EFCAB6: variants seen among roughly 807,000 people sequenced by gnomAD.
The protein encoded by EFCAB6 is EF-hand calcium-binding domain-containing protein 6.
In EFCAB6, 156 loss-of-function variants were observed where a neutral mutation model predicts 169.8. That is an observed-to-expected ratio of 0.92 (90% CI 0.81 to 1.05). The LOEUF (loss-of-function observed/expected upper bound fraction) is 1.05. Among genes scored for constraint, EFCAB6 ranks in the 50% least tolerant of loss-of-function variants. EFCAB6 has a pLI of 0.00. For synonymous variants in EFCAB6, 698 were observed against 676.4 expected, an observed-to-expected ratio of 1.03 and a Z score of -0.50; for missense variants, 1,800 against 1,829.1, an observed-to-expected ratio of 0.98 and a Z score of 0.29.
In EFCAB6 at chr22:43,687,504, A is replaced by C; in HGVS notation, c.1109T>G (p.Val370Gly). Reference sequence around the variant, plus strand: ...TTTTGTCAGGGGACCTTTACTGCTAACTTGCAACCCCTGAGGCTCATGAAA... The same window carrying C: ...TTTTGTCAGGGGACCTTTACTGCTACCTTGCAACCCCTGAGGCTCATGAAA... ...TSFHEPQGLQ[V>G]SSKGPLTKRN... The change falls in exon 11 of 32, where the codon GTT becomes GGT. Residue 370 changes from valine to glycine, a missense_variant. Transcript: ENST00000262726. 2.5e-6 allele frequency: 4 copies of C among 1,591,198 alleles called. No homozygotes were observed. The South Asian group carries it at 4.7e-5, about 19-fold the overall frequency.
At chr22:43,785,652 T>C (rs1012721401) in intron 2 of EFCAB6, among the ~76,000 whole-genome samples, 1 of 151,734 alleles carries the variant, frequency 6.6e-6, no homozygotes, top group African/African-American at 2.4e-5. Context: ...AAGAAAACAA[T>C]AAAGATTGGA....
chr22:43,655,726 G>A (rs945042543), intron 17 of EFCAB6, among the ~76,000 whole-genome samples: 4 of 151,922 alleles, frequency 2.6e-5, no homozygotes, highest in Non-Finnish European at 4.4e-5. Flanking sequence ...TTTTTTAATT[G>A]GCTATATGCT....
At chr22:43,787,328 GCAGA>G (rs2062114061) in intron 2 of EFCAB6, among the ~76,000 whole-genome samples, 1 of 142,440 alleles carries the variant, frequency 7.0e-6, no homozygotes. Flanking sequence ...AGGAATACAG[GCAGA>G]CAGACAGATA....
intron 23 of EFCAB6, among the ~76,000 whole-genome samples, chr22:43,596,744 A>G (rs2052042979): frequency 6.6e-6 from 1 of 152,188 alleles, no homozygotes; most frequent in Non-Finnish European, 1.5e-5. Context: ...GAAATAGAAA[A>G]AACAATCCTA....
chr22:43,789,847 T>TCACACACACACACACACACACA (rs34752280), intron 2 of EFCAB6, among the ~76,000 whole-genome samples: 27 of 143,404 alleles, frequency 1.9e-4, no homozygotes, highest in South Asian at 1.4e-3. Flanking sequence ...TGGCTAACCT[T>TCACACACACACACACACACACA]CACACACACA....
chr22:43,550,066 C>G (rs2048296084), intron 27 of EFCAB6, among the ~76,000 whole-genome samples: 1 of 152,078 alleles, frequency 6.6e-6, no homozygotes, highest in Admixed American at 6.6e-5. Flanking sequence ...TGCATGGAGT[C>G]AGGAAGGAGG....
At chr22:43,730,692 T>G (rs1424994177) in intron 8 of EFCAB6, among the ~76,000 whole-genome samples, 1 of 152,152 alleles carries the variant, frequency 6.6e-6, no homozygotes. Context: ...GTGGGCTTGG[T>G]TCGATTGTTT....
At chr22:43,811,298 AGGGAAGGGGAGGGGAGCGGAG>A (rs1244438942) in intron 1 of EFCAB6, among the ~76,000 whole-genome samples, 2 of 102,882 alleles carry the variant, frequency 1.9e-5, no homozygotes, top group Middle Eastern at 5.0e-3. Context: ...AGGCGAGGGG[AGGGAAGGGGAGGGGAGCGGAG>A]GGGAAGGGGA....
chr22:43,632,516 T>C (rs551921154), intron 18 of EFCAB6, among the ~76,000 whole-genome samples: 3 of 152,202 alleles, frequency 2.0e-5, no homozygotes, highest in East Asian at 1.9e-4. Flanking sequence ...GCCAGGCTGG[T>C]CTCAAACTCC....
In EFCAB6 at chr22:43,537,607, A is replaced by G; in HGVS notation, c.3880-62T>C. ...AGATTTAAAACGGAAGTCATCAAAA[A>G]TACCTCAATACCTCCAGTTTTGAGG... On this transcript the variant is annotated intron_variant, in intron 28 of 31. Coordinates refer to ENST00000262726, the MANE Select transcript of EFCAB6 (RefSeq NM_022785.4). The surrounding 1 kb of genome is among the most constrained non-coding windows in gnomAD (Gnocchi z 4.3). 1 of 1,523,364 alleles carries G rather than the reference A, an allele frequency of 6.6e-7. No individual in the cohort carries two copies. The highest frequency in any genetic ancestry group is 8.8e-7 in the Non-Finnish European group (1 of 1,131,732). 94.4% of individuals were successfully genotyped at this position (1,523,364 alleles called of 1,614,324 possible).
At chr22:43,809,188 G>C (rs947941308) in intron 1 of EFCAB6, 57 bp from the exon 2 acceptor site, 1 of 151,864 alleles carries the variant, frequency 6.6e-6, no homozygotes, top group Non-Finnish European at 1.5e-5. Flanking sequence ...TGAATCAAAA[G>C]GCCTTATTTC....
chr22:43,758,138 T>C (rs2061024750), intron 5 of EFCAB6, among the ~76,000 whole-genome samples: 1 of 152,128 alleles, frequency 6.6e-6, no homozygotes, highest in African/African-American at 2.4e-5. Context: ...ATCCTTTTTC[T>C]TTTAGTCTTT....
Position 43,575,310 on chromosome 22 carries a change from C to T in EFCAB6, c.3420+987G>A, listed in dbSNP as rs571450043. On this transcript the variant is annotated intron_variant, in intron 26 of 31. Coordinates refer to ENST00000262726, the MANE Select transcript of EFCAB6 (RefSeq NM_022785.4). The stretch of plus-strand genomic sequence containing the variant: ...GGTTCAGGTGATTCTCCAGCCTCAG[C>T]CTCCTGAGTAGCTGGGATTACAGGC... 6.6e-5 allele frequency among the ~76,000 whole-genome samples: 10 copies of T among 151,480 alleles called. No individual in the cohort carries two copies. The East Asian group carries it at 1.9e-3, about 29-fold the overall frequency.
At chr22:43,635,256 G>A (rs1238066416) in intron 17 of EFCAB6, 40 bp from the exon 18 acceptor site, 3 of 1,423,190 alleles carry the variant, frequency 2.1e-6, no homozygotes, top group Non-Finnish European at 3.0e-6. Flanking sequence ...GGCGTTAGGT[G>A]GTCCGCGGGT....
Position 43,717,372 on chromosome 22 carries a change from G to GT in EFCAB6, c.758-401dup, listed in dbSNP as rs1421425626. On this transcript the variant is annotated intron_variant, in intron 8 of 31. Transcript: ENST00000262726. ...AACATAAATACTTGATTTTTGTTTG[G>GT]TAAAAAAAAAAAAAGCCACAAGTTA... Among the ~76,000 whole-genome samples, 3 of 146,026 alleles carry GT rather than the reference G, an allele frequency of 2.1e-5. No homozygotes were observed. In the East Asian group the frequency reaches 6.2e-4, roughly 30 times the overall value.
In EFCAB6 at chr22:43,584,971, T is replaced by A. The variant is rs372003184; in HGVS notation, c.3033-4312A>T. 1.7e-3 allele frequency among the ~76,000 whole-genome samples: 252 copies of A among 152,252 alleles called. 6 individuals are homozygous for A. In the South Asian group the frequency reaches 0.05, roughly 30 times the overall value. ...TTTGCACCAATAGCTACAGCAAACA[T>A]TAAACATATCCTAACTCCTAGCCAA... On this transcript the variant is annotated intron_variant, in intron 24 of 31. Transcript: ENST00000262726.
intron 3 of EFCAB6, among the ~76,000 whole-genome samples, chr22:43,779,982 A>T (rs1259286343): frequency 6.6e-6 from 1 of 152,244 alleles, no homozygotes; most frequent in Non-Finnish European, 1.5e-5. Context: ...TAAGCCTGGT[A>T]AACTTGAGAA....
rs5764164 is a variant in EFCAB6, at chr22:43,622,302, C to T, written c.2465+4145G>A. 3.3e-5 allele frequency among the ~76,000 whole-genome samples: 5 copies of T among 152,276 alleles called. No homozygotes were observed. The East Asian group carries it at 9.6e-4, about 29-fold the overall frequency. On this transcript the variant is annotated intron_variant, in intron 20 of 31. Coordinates refer to ENST00000262726, the MANE Select transcript of EFCAB6 (RefSeq NM_022785.4). ...GCTCATTCTGGCATGCAGTGGCTCA[C>T]GTCTGTAATCCCAGCACTTCAGGAG...
At chr22:43,582,196 TCTG>T (rs2050770470) in intron 24 of EFCAB6, among the ~76,000 whole-genome samples, 1 of 152,260 alleles carries the variant, frequency 6.6e-6, no homozygotes, top group Non-Finnish European at 1.5e-5. Context: ...AGTTAATTTA[TCTG>T]CTATTTTTCC....
Sources: allele counts gnomAD v4.1 joint callset (sites outside exome capture counted in the v4.1 genomes callset), GRCh38; gene constraint gnomAD v4.1.1; non-coding constraint Gnocchi (gnomAD v3.1); transcripts MANE v1.5; gene names NCBI Gene and HGNC (gene_info 2026-07-23, HGNC 2026-07-21).